Variants in ZNRF2 observed in about 807,000 individuals in gnomAD.
ZNRF2 encodes the protein zinc and ring finger 2.
ZNRF2 carries 16 observed loss-of-function variants against 20.4 expected under a neutral mutation model. The ratio of observed to expected loss-of-function variants is 0.79; its 90% CI spans 0.53 to 1.19. ZNRF2 has a LOEUF of 1.19. Among genes scored for constraint, ZNRF2 ranks in the 50% most tolerant of loss-of-function variants. The pLI is 0.00. For synonymous variants in ZNRF2, 178 were observed against 144.9 expected (o/e 1.23, Z -1.64); for missense variants, 363 against 332.4 (o/e 1.09, Z -0.72).
chr7:30,345,659 T>C (rs1191508761), intron 2 of ZNRF2, among the ~76,000 whole-genome samples: 1 of 152,142 alleles, frequency 6.6e-6, no homozygotes, highest in Non-Finnish European at 1.5e-5. Context: ...TTTTAGTGGT[T>C]ACCTTACTTT....
intron 2 of ZNRF2, among the ~76,000 whole-genome samples, chr7:30,348,174 TAAAAAAAAA>T (rs551400861): frequency 8.7e-6 from 1 of 114,920 alleles, no homozygotes; most frequent in Non-Finnish European, 1.9e-5. Flanking sequence ...TTAAAAATGT[TAAAAAAAAA>T]AAAAAAAAAA....
chr7:30,330,098 A>T (rs1463767491), intron 2 of ZNRF2, among the ~76,000 whole-genome samples: 1 of 152,192 alleles, frequency 6.6e-6, no homozygotes, highest in Middle Eastern at 3.2e-3. Flanking sequence ...TATACTTTAT[A>T]CCATATAAAG....
At chr7:30,315,733 G>GGGGC (rs1799361256) in intron 1 of ZNRF2, among the ~76,000 whole-genome samples, 1 of 97,018 alleles carries the variant, frequency 1.0e-5, no homozygotes, top group Admixed American at 1.2e-4. Context: ...GGGGCGGGGG[G>GGGGC]GGGGGGGTTG....
chr7:30,353,162 A>G (rs1393032286), intron 2 of ZNRF2, among the ~76,000 whole-genome samples: 4 of 152,152 alleles, frequency 2.6e-5, no homozygotes, highest in African/African-American at 9.6e-5. Context: ...AGCTGTAATC[A>G]TGAGGTTTTG....
chr7:30,350,233 G>A (rs975444912), intron 2 of ZNRF2, among the ~76,000 whole-genome samples: 2 of 151,930 alleles, frequency 1.3e-5, no homozygotes, highest in Admixed American at 6.6e-5. Context: ...TTTTCTTGGC[G>A]AATTCACCGA....
At chr7:30,343,861 T>C (rs1799835720) in intron 2 of ZNRF2, among the ~76,000 whole-genome samples, 1 of 151,670 alleles carries the variant, frequency 6.6e-6, no homozygotes, top group Non-Finnish European at 1.5e-5. Flanking sequence ...ATTCTGTCAT[T>C]ATACTTTCTG....
chr7:30,313,516 C>A (rs914740623), intron 1 of ZNRF2, among the ~76,000 whole-genome samples: 2 of 152,074 alleles, frequency 1.3e-5, no homozygotes, highest in African/African-American at 4.8e-5. Context: ...ATCCTTCCTC[C>A]CTCCCTGCCT....
chr7:30,321,262 C>T (rs1799465042), intron 1 of ZNRF2, among the ~76,000 whole-genome samples: 1 of 151,980 alleles, frequency 6.6e-6, no homozygotes, highest in Non-Finnish European at 1.5e-5. Flanking sequence ...AGATTTTAGC[C>T]TCATGTATCA....
chr7:30,316,303 A>C (rs1255130098), intron 1 of ZNRF2, among the ~76,000 whole-genome samples: 4 of 148,644 alleles, frequency 2.7e-5, no homozygotes, highest in Non-Finnish European at 5.9e-5. Flanking sequence ...AAAAAAAAAA[A>C]AAAAAAAAAA....
At position 30,284,642 on chromosome 7, in the gene ZNRF2, C is replaced by T. The variant is rs895122981; in HGVS notation, c.-716C>T. 7.2e-5 allele frequency: 11 copies of T among 153,688 alleles called. No homozygotes were observed. The highest frequency in any genetic ancestry group is 2.4e-4 in the African/African-American group (10 of 41,440). 9.5% of individuals were successfully genotyped at this position (153,688 alleles called of 1,614,324 possible). A position where few individuals can be genotyped will look rare whatever the true frequency, so the allele number is the denominator to read the frequency against. On this transcript the variant is annotated 5_prime_UTR_variant, in exon 1 of 5. Coordinates refer to ENST00000323037, the MANE Select transcript of ZNRF2 (RefSeq NM_147128.4). ...CCCTGCAGCCGCGCCGCTCCGCGGCCTTCCGGCGCGGGGCCGGGGAACCTC... is the reference window on the plus strand; with the variant it reads ...CCCTGCAGCCGCGCCGCTCCGCGGCTTTCCGGCGCGGGGCCGGGGAACCTC...
At chr7:30,340,257 T>G (rs1799774429) in intron 2 of ZNRF2, among the ~76,000 whole-genome samples, 1 of 152,240 alleles carries the variant, frequency 6.6e-6, no homozygotes, top group Non-Finnish European at 1.5e-5. Flanking sequence ...CTTGCCTGAT[T>G]GCCTTGGCCA....
At chr7:30,286,665 T>G (rs1411474206) in intron 1 of ZNRF2, among the ~76,000 whole-genome samples, 1 of 152,232 alleles carries the variant, frequency 6.6e-6, no homozygotes, top group Non-Finnish European at 1.5e-5. Context: ...TGAATCCTAC[T>G]TCTTCAGTTA....
At chr7:30,348,142 C>T (rs1194973877) in intron 2 of ZNRF2, among the ~76,000 whole-genome samples, 1 of 148,142 alleles carries the variant, frequency 6.8e-6, no homozygotes, top group Non-Finnish European at 1.5e-5. Flanking sequence ...CACGCACTTC[C>T]TGTATAAAGA....
chr7:30,325,514 C>A (rs1463314807), intron 2 of ZNRF2, among the ~76,000 whole-genome samples: 1 of 152,150 alleles, frequency 6.6e-6, no homozygotes, highest in Non-Finnish European at 1.5e-5. Flanking sequence ...GTAGATATAG[C>A]AGCACTTATC....
intron 3 of ZNRF2, among the ~76,000 whole-genome samples, chr7:30,359,814 C>T (rs981635668): frequency 2.0e-5 from 3 of 152,132 alleles, no homozygotes; most frequent in Non-Finnish European, 4.4e-5. Flanking sequence ...TGTCTTTGTT[C>T]TGGTGATAAA....
At position 30,362,465 on chromosome 7, in the gene ZNRF2, T is replaced by C; in HGVS notation, c.*22+9T>C. 6.4e-7 allele frequency: 1 copy of C among 1,558,760 alleles called. No homozygotes were observed. The highest frequency in any genetic ancestry group is 8.7e-7 in the Non-Finnish European group (1 of 1,143,276). ...AGCTTCCTGTTTTATAGGTAATTTTTTTTGTAATTACTTTTTAAAGCGTTA... is the reference window on the plus strand; with the variant it reads ...AGCTTCCTGTTTTATAGGTAATTTTCTTTGTAATTACTTTTTAAAGCGTTA... On this transcript the variant is annotated intron_variant, in intron 4 of 4. Coordinates refer to ENST00000323037, the MANE Select transcript of ZNRF2 (RefSeq NM_147128.4).
intron 3 of ZNRF2, among the ~76,000 whole-genome samples, chr7:30,356,376 A>G (rs1484540596): frequency 6.6e-6 from 1 of 152,168 alleles, no homozygotes; most frequent in African/African-American, 2.4e-5. Flanking sequence ...GAGGTGGGGG[A>G]AAACTTAGAG....
chr7:30,338,464 C>T (rs571631721), intron 2 of ZNRF2, among the ~76,000 whole-genome samples: 13 of 120,124 alleles, frequency 1.1e-4, no homozygotes, highest in Non-Finnish European at 1.6e-4. Flanking sequence ...TGTGATATTC[C>T]CCTCCCTGTG....
intron 1 of ZNRF2, among the ~76,000 whole-genome samples, chr7:30,308,726 A>G (rs1424897771): frequency 1.3e-5 from 2 of 152,156 alleles, no homozygotes; most frequent in East Asian, 1.9e-4. Context: ...GTATTTCTTT[A>G]CATCCTCTGT....
Sources: allele counts gnomAD v4.1 joint callset (sites outside exome capture counted in the v4.1 genomes callset), GRCh38; gene constraint gnomAD v4.1.1; transcripts MANE v1.5; gene names NCBI Gene and HGNC (gene_info 2026-07-23, HGNC 2026-07-21).